CAPN9: variants seen among roughly 807,000 people sequenced by gnomAD.
CAPN9 encodes calpain-9.
CAPN9 carries 81 observed loss-of-function variants against 92.8 expected under a neutral mutation model. The observed-to-expected ratio is 0.87, with a 90% CI of 0.73 to 1.05. The LOEUF (loss-of-function observed/expected upper bound fraction) is 1.05. CAPN9 is among the 50% of genes least tolerant of loss of function. The probability of loss-of-function intolerance (pLI) is 0.00; values close to 1 mark genes in which losing one functional copy is unlikely to be tolerated. For synonymous variants in CAPN9, 304 were observed against 328.0 expected, an observed-to-expected ratio of 0.93 and a Z score of 0.79; for missense variants, 848 against 866.2, an observed-to-expected ratio of 0.98 and a Z score of 0.26.
intron 15 of CAPN9, 115 bp downstream of exon 15, chr1:230,792,043 T>G: frequency 1.2e-6 from 1 of 812,646 alleles, no homozygotes; most frequent in Non-Finnish European, 2.0e-6. Flanking sequence ...GCCAGCAGAA[T>G]AGTCTTCTTC....
Position 230,798,143 on chromosome 1 carries a change from C to G in CAPN9, c.1988-19C>G. On this transcript the variant is annotated intron_variant, in intron 18 of 19. Coordinates refer to ENST00000271971, the MANE Select transcript of CAPN9 (RefSeq NM_006615.3). ...GAATTGTCTTTAAAAGGATGCCTTT[C>G]CCCCTTCTCTCCTATCAGGGGTGTT... 6.4e-7 allele frequency: 1 copy of G among 1,570,612 alleles called. No individual in the cohort carries two copies. The highest frequency in any genetic ancestry group is 8.8e-7 in the Non-Finnish European group (1 of 1,140,628).
chr1:230,776,864 T>C (rs1352888929), intron 8 of CAPN9: 2 of 152,178 alleles, frequency 1.3e-5, no homozygotes, highest in Non-Finnish European at 2.9e-5. Flanking sequence ...TACTCCCAAA[T>C]GGAAGGAGTG....
intron 4 of CAPN9, among the ~76,000 whole-genome samples, chr1:230,764,797 C>A (rs1319917879): frequency 6.6e-6 from 1 of 152,126 alleles, no homozygotes; most frequent in African/African-American, 2.4e-5. Flanking sequence ...TACAGATAGG[C>A]AAGGGGAGGA....
At chr1:230,759,460 A>G in intron 2 of CAPN9, 52 bp from the exon 3 acceptor site, 1 of 1,302,110 alleles carries the variant, frequency 7.7e-7, no homozygotes, top group South Asian at 1.3e-5. Context: ...GAGTTTTCCT[A>G]TTTGCTGTGA....
At chr1:230,793,045 T>C (rs1443278423) in intron 17 of CAPN9, 117 bp downstream of exon 17, 7 of 773,306 alleles carry the variant, frequency 9.1e-6, no homozygotes, top group African/African-American at 1.7e-5. Flanking sequence ...CTGAGCCCAG[T>C]TGGTGATTCT....
Position 230,780,600 on chromosome 1 carries a change from G to C in CAPN9, c.1373G>C (p.Arg458Pro), listed in dbSNP as rs150832269. 2 of 1,614,124 alleles carry C rather than the reference G, an allele frequency of 1.2e-6. No individual in the cohort carries two copies. The highest frequency in any genetic ancestry group is 1.7e-6 in the Non-Finnish European group (2 of 1,179,990). The change falls in exon 11 of 20, where the codon CGG (arginine) becomes CCG (proline). Residue 458 changes from arginine (R) to proline (P), a missense_variant. Coordinates refer to ENST00000271971, the MANE Select transcript of CAPN9 (RefSeq NM_006615.3). ...ATCAACCTGAGAGAAGTCTCCGACC[G>C]GTTCAAGCTGCCCCCTGGGGAGTAC... ...TFINLREVSD[R>P]FKLPPGEYIL...
intron 12 of CAPN9, 156 bp downstream of exon 12, chr1:230,786,173 G>A (rs1437954003): frequency 1.0e-6 from 1 of 985,254 alleles, no homozygotes; most frequent in African/African-American, 1.7e-5. Flanking sequence ...AGACCAAGAT[G>A]TGTGTGTTCT....
chr1:230,796,496 G>GAC (rs1388032222), intron 18 of CAPN9, among the ~76,000 whole-genome samples: 1 of 152,118 alleles, frequency 6.6e-6, no homozygotes, highest in African/African-American at 2.4e-5. Context: ...AGCCCCTCTA[G>GAC]ACTCTAAGCT....
In CAPN9 at chr1:230,787,582, T is replaced by C. The variant is rs1436261498; in HGVS notation, c.1579T>C (p.Phe527Leu). The C allele has an allele frequency of 1.3e-5, 21 of 1,613,932 alleles. No individual in the cohort carries two copies. The highest frequency in any genetic ancestry group is 1.8e-5 in the Non-Finnish European group (21 of 1,179,936). ...GGAGGAGCAGCGGTTTCGGGCTCTGTTTGAACAAGTCGCTGGTGAGGTAGG... is the reference window on the plus strand; with the variant it reads ...GGAGGAGCAGCGGTTTCGGGCTCTGCTTGAACAAGTCGCTGGTGAGGTAGG... ...TEEEQRFRAL[F>L]EQVAGEDMEV... Residue 527 changes from phenylalanine to leucine, a missense_variant, in exon 13 of 20, where the codon TTT becomes CTT. Transcript: ENST00000271971.
In CAPN9 at chr1:230,798,176, C is replaced by T. The variant is rs142958578; in HGVS notation, c.2002C>T (p.Leu668Phe). ...TCTCCTATCAGGGGTGTTCCAGGCT[C>T]TCAGTACAAAGAACAAGGAGTTCAT... ...LENASRVFQA[L>F]STKNKEFIHL... The change falls in exon 19 of 20, where the codon CTC becomes TTC. Residue 668 changes from leucine (L) to phenylalanine (F), a missense_variant. Coordinates refer to ENST00000271971, the MANE Select transcript of CAPN9 (RefSeq NM_006615.3). The T allele has an allele frequency of 6.2e-7, 1 of 1,610,812 alleles. No homozygotes were observed. Among genetic ancestry groups the T allele is most frequent in the Non-Finnish European group, 8.5e-7 (1 of 1,177,018 alleles).
At chr1:230,770,308 G>T (rs1666307790) in intron 6 of CAPN9, among the ~76,000 whole-genome samples, 1 of 152,188 alleles carries the variant, frequency 6.6e-6, no homozygotes, top group Admixed American at 6.5e-5. Flanking sequence ...AGGCACCCAG[G>T]AAGAGAGAGT....
chr1:230,795,461 C>T (rs1668290828), intron 18 of CAPN9, 182 bp downstream of exon 18: 7 of 550,640 alleles, frequency 1.3e-5, no homozygotes, highest in South Asian at 1.2e-4. Flanking sequence ...GCCAGCCTCC[C>T]CTGCAGCACG....
intron 12 of CAPN9, 187 bp downstream of exon 12, chr1:230,786,204 A>T (rs1667570279): frequency 1.0e-6 from 1 of 984,276 alleles, no homozygotes; most frequent in Non-Finnish European, 1.2e-6. Context: ...CTTCTAGTCC[A>T]CAAGGACCTG....
intron 18 of CAPN9, 144 bp from the exon 19 acceptor site, chr1:230,798,017 GC>G (rs1161138557): frequency 4.5e-6 from 3 of 671,264 alleles, no homozygotes; most frequent in Non-Finnish European, 8.1e-6. Flanking sequence ...GAGTCCCATC[GC>G]CGCCCTTGAT....
intron 19 of CAPN9, 110 bp from the exon 20 acceptor site, chr1:230,801,460 T>A (rs1668721494): frequency 3.0e-6 from 3 of 1,007,436 alleles, no homozygotes; most frequent in Non-Finnish European, 4.8e-6. Context: ...GGCAAAATGA[T>A]CAAATAGCAG....
At position 230,769,270 on chromosome 1, in the gene CAPN9, G is replaced by A. The variant is rs995195499; in HGVS notation, c.789+7G>A. 1.4e-5 allele frequency: 23 copies of A among 1,605,806 alleles called. No homozygotes were observed. The highest frequency in any genetic ancestry group is 3.3e-4 in the Middle Eastern group (2 of 6,068). On this transcript the variant is annotated splice_region_variant and intron_variant, in intron 6 of 19. Coordinates refer to ENST00000271971, the MANE Select transcript of CAPN9 (RefSeq NM_006615.3). ...TGTAACGGGAATTGACCAGGTAGGC[G>A]ACTTGAACTCCAACTGCAGGCTATG... is the stretch of plus-strand genomic sequence containing the variant.
intron 19 of CAPN9, among the ~76,000 whole-genome samples, chr1:230,800,219 ATAAGAAAGAAAG>A (rs1297887943): frequency 0.028 from 1,930 of 69,892 alleles, 178 homozygotes; most frequent in African/African-American, 0.079. Flanking sequence ...AGAAAGAAAA[ATAAGAAAGAAAG>A]AAGAAAGAAA....
intron 6 of CAPN9, 139 bp from the exon 7 acceptor site, chr1:230,771,875 T>C (rs575411159): frequency 2.9e-6 from 2 of 684,086 alleles, no homozygotes; most frequent in African/African-American, 3.6e-5. Flanking sequence ...TCTACATACC[T>C]TCAGCAGCAT....
At chr1:230,774,446 T>A in intron 7 of CAPN9, 108 bp from the exon 8 acceptor site, 1 of 762,304 alleles carries the variant, frequency 1.3e-6, no homozygotes, top group Admixed American at 2.0e-5. Context: ...GAGTAGTTAC[T>A]AAGCAGGTCT....
Sources: allele counts gnomAD v4.1 joint callset (sites outside exome capture counted in the v4.1 genomes callset), GRCh38; gene constraint gnomAD v4.1.1; transcripts MANE v1.5; gene names NCBI Gene and HGNC (gene_info 2026-07-23, HGNC 2026-07-21).